The following ADCY1 variants were observed in gnomAD, a reference collection of about 807,000 sequenced individuals.
The protein encoded by ADCY1 is adenylate cyclase type 1.
ADCY1 carries 28 observed loss-of-function variants against 105.4 expected under a neutral mutation model. That is an observed-to-expected ratio of 0.27 (90% CI 0.20 to 0.36). ADCY1 has a LOEUF of 0.36. Among genes scored for constraint, ADCY1 ranks in the 10% least tolerant of loss-of-function variants. The pLI is 1.00. For synonymous variants in ADCY1, 655 were observed against 623.8 expected (o/e 1.05, Z -0.75); for missense variants, 977 against 1,434.2 (o/e 0.68, Z 5.15).
chr7:45,630,491 T>C (rs1238790596), intron 4 of ADCY1, among the ~76,000 whole-genome samples: 2 of 152,200 alleles, frequency 1.3e-5, no homozygotes, highest in Non-Finnish European at 2.9e-5. Context: ...TGCAGAACGA[T>C]ACTCCATCCA....
rs71030884 is a variant in ADCY1, at chr7:45,635,601, GTT to G, written c.1020+12885_1020+12886del. Among the ~76,000 whole-genome samples, 100 of 57,184 alleles carry G rather than the reference GTT, an allele frequency of 1.7e-3. 1 individual carries two copies. The highest frequency in any genetic ancestry group is 6.1e-3 in the African/African-American group (88 of 14,352). 37.5% of individuals were successfully genotyped at this position (57,184 alleles called of 152,430 possible). A position where few individuals can be genotyped will look rare whatever the true frequency, so the allele number is the denominator to read the frequency against. On this transcript the variant is annotated intron_variant, in intron 4 of 19. Coordinates refer to ENST00000297323, the MANE Select transcript of ADCY1 (RefSeq NM_021116.4). ...TTCAAAATACTTTCTAATTTCTCTT[GTT>G]TTTTTTTTTTTTTTTTTTTTTTTTT...
intron 5 of ADCY1, among the ~76,000 whole-genome samples, chr7:45,649,042 A>C (rs1183080017): frequency 2.0e-5 from 3 of 152,162 alleles, no homozygotes; most frequent in African/African-American, 7.2e-5. Flanking sequence ...TTCTTTGTCC[A>C]CAGGAATCCT....
Position 45,574,710 on chromosome 7 carries a change from TG to T in ADCY1, c.169del (p.Glu57SerfsTer6). 7.1e-7 allele frequency: 1 copy of T among 1,407,596 alleles called. No individual in the cohort carries two copies. The allele number at this position is 1,407,596 out of a possible 1,614,324, so 87.2% of individuals were successfully genotyped here. ...CTGTTCCGCGGCTACACGCTGCGGC[TG>T]GAGCAGGCGGCCACGCTGAAGGCGC... ...EALFRGYTLR[L>X]EQAATLKALA... On this transcript the variant is annotated frameshift_variant, in exon 1 of 20. Coordinates refer to ENST00000297323, the MANE Select transcript of ADCY1 (RefSeq NM_021116.4). LOFTEE classifies it high-confidence loss of function. This position sits in a 1 kb window ranked among gnomAD's most constrained non-coding sequence, Gnocchi z 7.0.
rs941722710 is a variant in ADCY1 at position 45,583,441 on chromosome 7, C to T, written c.639+8259C>T. Reference sequence around the variant, plus strand: ...GCTGGTAGCACATTCTGAATCTGAGCACAACTTTTTGTTTTGATTCTAAAA... The same window carrying T: ...GCTGGTAGCACATTCTGAATCTGAGTACAACTTTTTGTTTTGATTCTAAAA... On this transcript the variant is annotated intron_variant, in intron 1 of 19. Transcript: ENST00000297323. 2.0e-5 allele frequency among the ~76,000 whole-genome samples: 3 copies of T among 152,180 alleles called. No homozygotes were observed. In the South Asian group the frequency reaches 6.2e-4, roughly 32 times the overall value.
intron 8 of ADCY1, among the ~76,000 whole-genome samples, chr7:45,663,482 C>T (rs565416549): frequency 2.4e-4 from 36 of 152,218 alleles, no homozygotes; most frequent in East Asian, 1.2e-3. Context: ...CTCTAGGTGG[C>T]GGTGTTGCAC....
intron 3 of ADCY1, among the ~76,000 whole-genome samples, chr7:45,618,146 A>G (rs773316107): frequency 5.6e-4 from 86 of 152,238 alleles, no homozygotes; most frequent in Non-Finnish European, 1.0e-3. Context: ...AATCTCTTCA[A>G]TAAATGGTGC....
At chr7:45,613,324 T>C (rs529733093) in intron 3 of ADCY1, among the ~76,000 whole-genome samples, 1 of 152,146 alleles carries the variant, frequency 6.6e-6, no homozygotes, top group Admixed American at 6.5e-5. Context: ...AACAGAAGAC[T>C]AGATCAAGCA....
At chr7:45,667,759 T>C (rs550146630) in intron 8 of ADCY1, among the ~76,000 whole-genome samples, 1 of 152,366 alleles carries the variant, frequency 6.6e-6, no homozygotes, top group East Asian at 1.9e-4. Flanking sequence ...TTCCTATCCG[T>C]GAGCATGGAA....
At chr7:45,702,017 C>G (rs576843381) in intron 14 of ADCY1, among the ~76,000 whole-genome samples, 4 of 152,366 alleles carry the variant, frequency 2.6e-5, no homozygotes, top group Admixed American at 1.3e-4. Context: ...AACACACTTG[C>G]ACCAGGCCTG....
chr7:45,664,319 G>A, intron 8 of ADCY1: 1 of 1,536,178 alleles, frequency 6.5e-7, no homozygotes, highest in South Asian at 1.2e-5. Flanking sequence ...GAGTGGCCTG[G>A]ATGTCCTCCT....
chr7:45,686,913 G>A lies in ADCY1; in HGVS notation c.2454+240G>A, dbSNP rs1784690376. Among the ~76,000 whole-genome samples the A allele has an allele frequency of 1.3e-5, 2 of 152,214 alleles. No individual in the cohort carries two copies. The highest frequency in any genetic ancestry group is 6.5e-5 in the Admixed American group (1 of 15,286). ...TTCAGAAGGTTGTGGGGTGCATGTT[G>A]TGGAGACCTGCCTGATGGTCAGAGC... On this transcript the variant is annotated intron_variant, in intron 14 of 19. Coordinates refer to ENST00000297323, the MANE Select transcript of ADCY1 (RefSeq NM_021116.4). This position sits in a 1 kb window ranked among gnomAD's most constrained non-coding sequence, Gnocchi z 4.3.
At position 45,716,622 on chromosome 7, in the gene ADCY1, C is replaced by T; in HGVS notation, c.*2627C>T. The T allele has an allele frequency of 6.5e-6, 1 of 153,472 alleles. No individual in the cohort carries two copies. Among genetic ancestry groups the T allele is most frequent in the Non-Finnish European group, 1.5e-5 (1 of 68,962 alleles). 9.5% of individuals were successfully genotyped at this position (153,472 alleles called of 1,614,324 possible). On this transcript the variant is annotated 3_prime_UTR_variant, in exon 20 of 20. Transcript: ENST00000297323. ...ACAGCCAACCCTGTTGCCCCCAGTG[C>T]CGCTGCCCAGCTTCGGCCATCCAGG... is the stretch of plus-strand genomic sequence containing the variant.
At chr7:45,654,083 A>G (rs1404715512) in intron 5 of ADCY1, among the ~76,000 whole-genome samples, 1 of 152,240 alleles carries the variant, frequency 6.6e-6, no homozygotes, top group Non-Finnish European at 1.5e-5. Context: ...ATGGGCCTGC[A>G]TGGACTGGGT....
intron 4 of ADCY1, among the ~76,000 whole-genome samples, chr7:45,646,876 C>A (rs1794677802): frequency 6.6e-6 from 1 of 152,252 alleles, no homozygotes; most frequent in African/African-American, 2.4e-5. Context: ...CTGTGACCAG[C>A]TCCCTGTCAG....
chr7:45,662,355 A>G (rs893745629), intron 8 of ADCY1, 141 bp downstream of exon 8: 2 of 944,596 alleles, frequency 2.1e-6, no homozygotes, highest in Admixed American at 3.0e-5. Context: ...TGCTGCTCAG[A>G]GCTGAGCTAC....
chr7:45,621,270 T>G (rs1793880320), intron 3 of ADCY1, among the ~76,000 whole-genome samples: 1 of 152,160 alleles, frequency 6.6e-6, no homozygotes, highest in Non-Finnish European at 1.5e-5. Flanking sequence ...TTTTCCATGT[T>G]GCTCAGGCTG....
At chr7:45,618,084 T>C (rs560584825) in intron 3 of ADCY1, among the ~76,000 whole-genome samples, 25 of 152,294 alleles carry the variant, frequency 1.6e-4, no homozygotes, top group African/African-American at 5.3e-4. Context: ...CATGTAATTT[T>C]AGCCAACTGA....
At chr7:45,587,228 A>C (rs1351078326) in intron 1 of ADCY1, among the ~76,000 whole-genome samples, 1 of 152,086 alleles carries the variant, frequency 6.6e-6, no homozygotes, top group Admixed American at 6.5e-5. Context: ...TGGGTCTGAG[A>C]GCATGCTCTG....
At position 45,662,097 on chromosome 7, in the gene ADCY1, C is replaced by T; in HGVS notation, c.1488C>T (p.Ala496=). The change falls in exon 8 of 20, where the codon GCC becomes GCT. Residue 496 remains alanine (A), a synonymous_variant. Coordinates refer to ENST00000297323, the MANE Select transcript of ADCY1 (RefSeq NM_021116.4). ...PGLILSDIKP[A]KRMKFKTVCY... is the part of the protein sequence containing the mutation. ...TGATTCTCTCAGATATAAAACCGGC[C>T]AAAAGGATGAAGTTCAAGACTGTCT... 6.2e-7 allele frequency: 1 copy of T among 1,614,080 alleles called. No homozygotes were observed. Among genetic ancestry groups the T allele is most frequent in the Non-Finnish European group, 8.5e-7 (1 of 1,179,976 alleles).
Sources: gnomAD v4.1 joint callset for allele counts (sites outside exome capture counted in the v4.1 genomes callset) on GRCh38, gnomAD v4.1.1 for gene constraint, Gnocchi (gnomAD v3.1) non-coding constraint, MANE v1.5 for transcripts, NCBI Gene and HGNC (gene_info 2026-07-23, HGNC 2026-07-21) for gene names.